TTC28: variants seen among roughly 807,000 people sequenced by gnomAD.
TTC28 encodes tetratricopeptide repeat protein 28.
In TTC28, 61 loss-of-function variants were observed where a neutral mutation model predicts 198.0. The ratio of observed to expected loss-of-function variants is 0.31; its 90% CI spans 0.25 to 0.38. The LOEUF (loss-of-function observed/expected upper bound fraction) is 0.38, where lower values mean the gene tolerates loss of function less well. Ranked by LOEUF, TTC28 falls within the 10% of genes least tolerant of loss-of-function variation. The pLI is 1.00. For synonymous variants in TTC28, 1,171 were observed against 1,297.8 expected (o/e 0.90, Z 2.10); for missense variants, 2,678 against 3,164.0 (o/e 0.85, Z 3.69).
intron 5 of TTC28, among the ~76,000 whole-genome samples, chr22:28,239,511 T>C (rs1259703213): frequency 6.6e-6 from 1 of 152,146 alleles, no homozygotes; most frequent in Non-Finnish European, 1.5e-5. Flanking sequence ...AGAATGAGCA[T>C]TTGCTTACCT....
chr22:28,086,855 A>G (rs1222516759), intron 12 of TTC28, among the ~76,000 whole-genome samples: 1 of 152,098 alleles, frequency 6.6e-6, no homozygotes, highest in African/African-American at 2.4e-5. Context: ...CAGAAATACA[A>G]ACTACCATCA....
intron 12 of TTC28, among the ~76,000 whole-genome samples, chr22:28,035,489 G>T (rs1422450176): frequency 6.6e-6 from 1 of 152,180 alleles, no homozygotes; most frequent in African/African-American, 2.4e-5. Flanking sequence ...GAAAGGCCAG[G>T]TCTAACTGTG....
intron 2 of TTC28, among the ~76,000 whole-genome samples, chr22:28,490,478 T>C (rs370877878): frequency 1.3e-5 from 2 of 152,120 alleles, no homozygotes; most frequent in South Asian, 4.2e-4. Context: ...GAACAAGTCA[T>C]ATGACTACTC....
At chr22:28,531,149 A>G (rs1025153835) in intron 2 of TTC28, among the ~76,000 whole-genome samples, 18 of 152,302 alleles carry the variant, frequency 1.2e-4, no homozygotes, top group African/African-American at 3.1e-4. Context: ...TCAGTGTGCT[A>G]TATTCAGGAG....
intron 5 of TTC28, among the ~76,000 whole-genome samples, chr22:28,230,469 G>A (rs1928715752): frequency 6.6e-6 from 1 of 152,198 alleles, no homozygotes. Flanking sequence ...TCTTCACATA[G>A]AGGGGAAGGG....
chr22:28,079,255 G>C (rs567978865), intron 12 of TTC28, among the ~76,000 whole-genome samples: 1 of 152,184 alleles, frequency 6.6e-6, no homozygotes, highest in East Asian at 1.9e-4. Flanking sequence ...GATAGGAAGT[G>C]GTAGCAGTGG....
chr22:27,988,072 A>T (rs977168360), intron 21 of TTC28, among the ~76,000 whole-genome samples: 5 of 152,100 alleles, frequency 3.3e-5, no homozygotes, highest in Non-Finnish European at 7.4e-5. Flanking sequence ...AAAAAAAAAT[A>T]AAAAACCAAG....
chr22:28,336,077 T>C (rs1032379331), intron 2 of TTC28, among the ~76,000 whole-genome samples: 1 of 152,246 alleles, frequency 6.6e-6, no homozygotes, highest in Non-Finnish European at 1.5e-5. Context: ...AAAGGCCTTT[T>C]CTGCATCTAT....
chr22:28,508,369 T>C (rs2048640649), intron 2 of TTC28, among the ~76,000 whole-genome samples: 2 of 152,218 alleles, frequency 1.3e-5, no homozygotes, highest in Non-Finnish European at 2.9e-5. Flanking sequence ...CTGCAACCTC[T>C]GCCTCCCGGG....
intron 2 of TTC28, among the ~76,000 whole-genome samples, chr22:28,359,275 A>G (rs1389306340): frequency 3.3e-5 from 5 of 152,182 alleles, no homozygotes; most frequent in Non-Finnish European, 7.4e-5. Context: ...TATCTTAGGT[A>G]TCATATAAGA....
At chr22:28,482,430 G>T (rs747525048) in intron 2 of TTC28, among the ~76,000 whole-genome samples, 1 of 151,628 alleles carries the variant, frequency 6.6e-6, no homozygotes, top group Non-Finnish European at 1.5e-5. Flanking sequence ...GGATGGTCTC[G>T]ATCTCCTGAC....
intron 2 of TTC28, among the ~76,000 whole-genome samples, chr22:28,499,089 G>T (rs910490702): frequency 3.3e-5 from 5 of 152,094 alleles, no homozygotes; most frequent in African/African-American, 9.7e-5. Flanking sequence ...GAGGTTGGGG[G>T]ATTGTTTGAG....
intron 2 of TTC28, among the ~76,000 whole-genome samples, chr22:28,526,550 G>A (rs1467497518): frequency 6.6e-6 from 1 of 152,146 alleles, no homozygotes; most frequent in Non-Finnish European, 1.5e-5. Context: ...TACAGTGTAG[G>A]ACAGCTAGAA....
chr22:28,675,004 A>G (rs1292482143), intron 1 of TTC28, among the ~76,000 whole-genome samples: 2 of 152,174 alleles, frequency 1.3e-5, no homozygotes, highest in African/African-American at 4.8e-5. Context: ...AAGCTACAGT[A>G]ATGAAACAGT....
At chr22:28,420,565 CAAAAAAA>C (rs4035770) in intron 2 of TTC28, among the ~76,000 whole-genome samples, 1 of 97,976 alleles carries the variant, frequency 1.0e-5, no homozygotes, top group Non-Finnish European at 2.2e-5. Flanking sequence ...CTAAAAAATG[CAAAAAAA>C]AAAAAAAAAA....
intron 2 of TTC28, among the ~76,000 whole-genome samples, chr22:28,592,502 ATAAAGG>A (rs1056992039): frequency 6.6e-6 from 1 of 152,140 alleles, no homozygotes; most frequent in Non-Finnish European, 1.5e-5. Flanking sequence ...TAAAAAAAAA[ATAAAGG>A]TAAAGTGGGC....
intron 2 of TTC28, among the ~76,000 whole-genome samples, chr22:28,375,859 C>T (rs1212410208): frequency 6.6e-6 from 1 of 152,210 alleles, no homozygotes; most frequent in East Asian, 1.9e-4. Flanking sequence ...ATAGTCCCTT[C>T]CTCCTGTCCT....
rs115996187 is a variant in TTC28, at chr22:28,283,187, C to T, written c.933+13011G>A. Among the ~76,000 whole-genome samples the T allele has an allele frequency of 2.8e-3, 427 of 152,228 alleles. 4 individuals are homozygous for T. The highest frequency in any genetic ancestry group is 9.0e-3 in the African/African-American group (373 of 41,546). The stretch of plus-strand genomic sequence containing the variant: ...TAAGATACACACCCCAGAAAAGTTG[C>T]CAAGCCTTCCCCTCATGAACTTAAT... On this transcript the variant is annotated intron_variant, in intron 5 of 22. Transcript: ENST00000397906.
chr22:28,152,426 A>G (rs1943632267), intron 6 of TTC28, among the ~76,000 whole-genome samples: 1 of 152,150 alleles, frequency 6.6e-6, no homozygotes, highest in Admixed American at 6.5e-5. Flanking sequence ...ACTCAGATCC[A>G]CAATGGGGCA....
Sources: gnomAD v4.1 joint callset for allele counts (sites outside exome capture counted in the v4.1 genomes callset) on GRCh38, gnomAD v4.1.1 for gene constraint, MANE v1.5 for transcripts, NCBI Gene and HGNC (gene_info 2026-07-23, HGNC 2026-07-21) for gene names.